TPRX2: variants seen among roughly 807,000 people sequenced by gnomAD.
TPRX2 encodes tetrapeptide repeat homeobox 2.
At chr19:47,861,307 C>T in the TPRX2 span, 1 of 484,496 alleles carries the variant, frequency 2.1e-6, no homozygotes, top group Non-Finnish European at 4.1e-6. Flanking sequence ...CTCCCAACCC[C>T]AGCCCCAGGC....
At chr19:47,859,538 G>C in the TPRX2 span, among the ~76,000 whole-genome samples, 2 of 148,594 alleles carry the variant, frequency 1.3e-5, no homozygotes, top group Non-Finnish European at 3.0e-5. Flanking sequence ...ACATAGTGGA[G>C]ACCCGTCTTT....
chr19:47,861,081 A>T, the TPRX2 span: 1 of 724,684 alleles, frequency 1.4e-6, no homozygotes, highest in East Asian at 2.7e-5. Context: ...GGAGGGCCTC[A>T]AGGCTGTCCC....
At chr19:47,860,481 C>G in the TPRX2 span, among the ~76,000 whole-genome samples, 4 of 151,644 alleles carry the variant, frequency 2.6e-5, no homozygotes, top group Non-Finnish European at 5.9e-5. Flanking sequence ...TCGGCCCAGG[C>G]TGTCCCCCAC....
At chr19:47,860,329 C>A in the TPRX2 span, 3 of 1,308,798 alleles carry the variant, frequency 2.3e-6, no homozygotes, top group Admixed American at 6.3e-5. Context: ...CCCCAAGGAG[C>A]CTCCCCACCG....
At chr19:47,860,958 G>A in the TPRX2 span, 17 of 1,433,728 alleles carry the variant, frequency 1.2e-5, no homozygotes, top group East Asian at 2.7e-4. Flanking sequence ...GTTCCCGCAG[G>A]GCAGGGGTTC....
chr19:47,859,522 G>A, the TPRX2 span, among the ~76,000 whole-genome samples: 9 of 149,398 alleles, frequency 6.0e-5, no homozygotes, highest in African/African-American at 2.0e-4. Flanking sequence ...GAAACCAGCC[G>A]AGCCAACATA....
At chr19:47,861,362 C>T in the TPRX2 span, 1 of 474,658 alleles carries the variant, frequency 2.1e-6, no homozygotes, top group South Asian at 1.5e-5. Context: ...TGTCGCCAGA[C>T]ACCCAGTTAT....
the TPRX2 span, chr19:47,861,116 A>G: frequency 2.9e-6 from 2 of 701,442 alleles, no homozygotes; most frequent in Non-Finnish European, 5.2e-6. Flanking sequence ...GCCCAATCCC[A>G]GCCCCTATCC....
chr19:47,860,341 T>C, the TPRX2 span: 1 of 889,090 alleles, frequency 1.1e-6, no homozygotes, highest in Non-Finnish European at 1.6e-6. Context: ...TCCCCACCGC[T>C]GTCACTCACC....
At chr19:47,861,225 G>GC in the TPRX2 span, 1 of 577,184 alleles carries the variant, frequency 1.7e-6, no homozygotes. Flanking sequence ...TCCAATACCA[G>GC]CCCCCATCTC....
the TPRX2 span, among the ~76,000 whole-genome samples, chr19:47,859,905 T>C: frequency 3.3e-5 from 5 of 149,768 alleles, no homozygotes; most frequent in African/African-American, 1.2e-4. Flanking sequence ...CTGCCTGCCT[T>C]CCCAGGAGCT....
At chr19:47,860,916 G>A in the TPRX2 span, 1 of 1,528,180 alleles carries the variant, frequency 6.5e-7, no homozygotes, top group Non-Finnish European at 8.8e-7. Flanking sequence ...CCTAGTCCCT[G>A]TAGCCGCTGC....
At chr19:47,860,620 C>A in the TPRX2 span, among the ~76,000 whole-genome samples, 1 of 151,884 alleles carries the variant, frequency 6.6e-6, no homozygotes, top group East Asian at 2.0e-4. Flanking sequence ...CCCTCCTCCC[C>A]CTACTTTCCC....
chr19:47,860,588 C>T, the TPRX2 span, among the ~76,000 whole-genome samples: 1 of 151,630 alleles, frequency 6.6e-6, no homozygotes, highest in African/African-American at 2.4e-5. Flanking sequence ...GCGGCAGACC[C>T]GGCTCCTCCC....
the TPRX2 span, among the ~76,000 whole-genome samples, chr19:47,859,926 C>G: frequency 6.7e-6 from 1 of 149,636 alleles, no homozygotes; most frequent in Non-Finnish European, 1.5e-5. Flanking sequence ...GTTATCGCGC[C>G]CATTTCCTAG....
chr19:47,859,899 C>T, the TPRX2 span, among the ~76,000 whole-genome samples: 2 of 150,116 alleles, frequency 1.3e-5, no homozygotes, highest in Non-Finnish European at 3.0e-5. Context: ...CCTACGCTGC[C>T]TGCCTTCCCA....
chr19:47,859,981 A>G, the TPRX2 span: 1 of 586,104 alleles, frequency 1.7e-6, no homozygotes, highest in East Asian at 3.0e-5. Context: ...TGGTCTGGAT[A>G]CCAGGCTGCT....
the TPRX2 span, chr19:47,861,055 C>T: frequency 1.3e-6 from 1 of 792,588 alleles, no homozygotes; most frequent in Non-Finnish European, 2.1e-6. Flanking sequence ...TGGGGTGGCC[C>T]TGAGTGTGGA....
At chr19:47,860,003 C>A in the TPRX2 span, 3 of 858,556 alleles carry the variant, frequency 3.5e-6, no homozygotes, top group Admixed American at 4.6e-5. Context: ...TCCGCGGTGC[C>A]GCCCCAGCCC....
Sources: allele counts gnomAD v4.1 joint callset (sites outside exome capture counted in the v4.1 genomes callset), GRCh38; gene constraint gnomAD v4.1.1; transcripts MANE v1.5; gene names NCBI Gene and HGNC (gene_info 2026-07-23, HGNC 2026-07-21).